The following VPS13B variants were observed in gnomAD, a reference collection of about 807,000 sequenced individuals.
The protein encoded by VPS13B is intermembrane lipid transfer protein VPS13B.
VPS13B carries 285 observed loss-of-function variants against 426.4 expected under a neutral mutation model. That is an observed-to-expected ratio of 0.67 (90% CI 0.61 to 0.74). The LOEUF (loss-of-function observed/expected upper bound fraction) is 0.74. Ranked by LOEUF, VPS13B falls within the 30% of genes least tolerant of loss-of-function variation. The probability of loss-of-function intolerance (pLI) is 0.00; values close to 1 mark genes in which losing one functional copy is unlikely to be tolerated. For synonymous variants in VPS13B, 1,676 were observed against 1,676.4 expected (o/e 1.00, Z 0.01); for missense variants, 4,537 against 4,782.6 (o/e 0.95, Z 1.51).
At chr8:99,165,633 A>G (rs1811959583) in intron 15 of VPS13B, among the ~76,000 whole-genome samples, 1 of 152,218 alleles carries the variant, frequency 6.6e-6, no homozygotes, top group South Asian at 2.1e-4. Context: ...CCTCAAGAAA[A>G]TCCCAGGGGA....
At chr8:99,482,119 C>G (rs571933155) in intron 25 of VPS13B, among the ~76,000 whole-genome samples, 1 of 152,126 alleles carries the variant, frequency 6.6e-6, no homozygotes, top group Admixed American at 6.6e-5. Flanking sequence ...ACTCATGCTT[C>G]CCCTTTCCCT....
At chr8:99,860,464 T>C (rs934836004) in intron 57 of VPS13B, among the ~76,000 whole-genome samples, 1 of 152,274 alleles carries the variant, frequency 6.6e-6, no homozygotes, top group Non-Finnish European at 1.5e-5. Flanking sequence ...GTTGTTTTTA[T>C]GTTAAAATAA....
chr8:99,384,159 T>G, intron 19 of VPS13B, 49 bp from the exon 20 acceptor site: 1 of 1,449,112 alleles, frequency 6.9e-7, no homozygotes, highest in South Asian at 1.1e-5. Context: ...AAATAGCTTA[T>G]TGTTTTTTAT....
intron 35 of VPS13B, among the ~76,000 whole-genome samples, chr8:99,669,626 AAATGCATGGCC>A: frequency 6.6e-6 from 1 of 152,250 alleles, no homozygotes; most frequent in African/African-American, 2.4e-5. Flanking sequence ...TCTATATTTG[AAATGCATGGCC>A]ACTGGTCTTT....
chr8:99,274,206 T>G lies in VPS13B; in HGVS notation c.2524T>G (p.Ser842Ala). 1 of 1,614,096 alleles carries G rather than the reference T, an allele frequency of 6.2e-7. No individual in the cohort carries two copies. The highest frequency in any genetic ancestry group is 8.5e-7 in the Non-Finnish European group (1 of 1,180,002). The change falls in exon 18 of 62, where the codon TCT (serine) becomes GCT (alanine). Residue 842 changes from serine to alanine, a missense_variant. Around this residue, in one of 2 missense-constraint regions of VPS13B, gnomAD observed 4,311 missense variants for 4,474.3 expected, o/e 0.96. Transcript: ENST00000357162. ...CAGTTTTCTTTTATTAGGTGTGAAA[T>G]CTAAGAATCCCCTGCCAACTCTTGA... ...NEIFLSIGVK[S>A]KNPLPTLEGS...
chr8:99,153,228 A>T (rs1811170083), intron 14 of VPS13B, among the ~76,000 whole-genome samples: 1 of 152,158 alleles, frequency 6.6e-6, no homozygotes, highest in Non-Finnish European at 1.5e-5. Context: ...GACAATATAT[A>T]GTTGGGTCTT....
At chr8:99,158,662 C>G (rs887726520) in intron 15 of VPS13B, among the ~76,000 whole-genome samples, 4 of 152,206 alleles carry the variant, frequency 2.6e-5, no homozygotes, top group African/African-American at 9.6e-5. Flanking sequence ...AATGGAACAA[C>G]AAAGCCTCAA....
intron 2 of VPS13B, among the ~76,000 whole-genome samples, chr8:99,023,281 T>C (rs1395721311): frequency 6.6e-6 from 1 of 151,852 alleles, no homozygotes; most frequent in African/African-American, 2.4e-5. Flanking sequence ...TAGTAACCAC[T>C]GTTATACTCT....
chr8:99,499,046 G>C (rs762441074), intron 25 of VPS13B, among the ~76,000 whole-genome samples: 28 of 152,090 alleles, frequency 1.8e-4, no homozygotes, highest in Non-Finnish European at 3.8e-4. Flanking sequence ...TAAAGTGTTT[G>C]CTCTTCCAAA....
intron 21 of VPS13B, among the ~76,000 whole-genome samples, chr8:99,413,008 G>A (rs1196451254): frequency 6.6e-6 from 1 of 152,102 alleles, no homozygotes; most frequent in East Asian, 1.9e-4. Flanking sequence ...AGGGATATTG[G>A]CCTGAAATTT....
chr8:99,017,795 C>T (rs1240680235), intron 2 of VPS13B, among the ~76,000 whole-genome samples: 1 of 152,090 alleles, frequency 6.6e-6, no homozygotes, highest in Admixed American at 6.5e-5. Context: ...CCCAGCCTAT[C>T]ATATACATTT....
chr8:99,217,540 A>T (rs911739169), intron 17 of VPS13B, among the ~76,000 whole-genome samples: 1 of 152,220 alleles, frequency 6.6e-6, no homozygotes, highest in Non-Finnish European at 1.5e-5. Flanking sequence ...AAGAACACTG[A>T]GAAGGTGTAG....
intron 19 of VPS13B, among the ~76,000 whole-genome samples, chr8:99,315,426 G>C (rs1441675617): frequency 6.7e-6 from 1 of 148,940 alleles, no homozygotes; most frequent in African/African-American, 2.5e-5. Context: ...GTCTATTATT[G>C]ACTCTTTCAA....
chr8:99,807,478 A>G lies in VPS13B; in HGVS notation c.7942-1897A>G, dbSNP rs77045031. ...TCTGTCCAAAGAAAACAACTTTCTT[A>G]TTTCTTTTAGTTTTGTGTGTACCCT... is the stretch of plus-strand genomic sequence containing the variant. On this transcript the variant is annotated intron_variant, in intron 43 of 61. Transcript: ENST00000357162. Among the ~76,000 whole-genome samples the G allele has an allele frequency of 1.7e-3, 251 of 150,556 alleles. 2 individuals carry two copies. Among genetic ancestry groups the G allele is most frequent in the South Asian group, 4.8e-3 (23 of 4,804 alleles).
At chr8:99,863,229 T>G (rs1209051479) in intron 58 of VPS13B, among the ~76,000 whole-genome samples, 4 of 152,160 alleles carry the variant, frequency 2.6e-5, no homozygotes, top group Non-Finnish European at 4.4e-5. Context: ...TATCATAGTA[T>G]GGTAGCAAAT....
At chr8:99,019,850 T>C (rs1319089627) in intron 2 of VPS13B, among the ~76,000 whole-genome samples, 1 of 152,268 alleles carries the variant, frequency 6.6e-6, no homozygotes, top group Non-Finnish European at 1.5e-5. Context: ...TAATCTATTA[T>C]ATGTACATGC....
intron 17 of VPS13B, among the ~76,000 whole-genome samples, chr8:99,210,567 G>A (rs1588143636): frequency 1.3e-5 from 2 of 152,080 alleles, no homozygotes; most frequent in African/African-American, 2.4e-5. Context: ...ATGTCTGGAA[G>A]TTGAACAATA....
chr8:99,663,881 G>T (rs1240489392), intron 35 of VPS13B, among the ~76,000 whole-genome samples: 1 of 152,058 alleles, frequency 6.6e-6, no homozygotes, highest in Non-Finnish European at 1.5e-5. Context: ...AAAGTTGATG[G>T]TAAATTAGAT....
intron 17 of VPS13B, among the ~76,000 whole-genome samples, chr8:99,210,737 C>G (rs1316954448): frequency 6.6e-6 from 1 of 152,094 alleles, no homozygotes; most frequent in African/African-American, 2.4e-5. Context: ...TCCCAAGTAG[C>G]TGGGACCACA....
Sources: gnomAD v4.1 joint callset for allele counts (sites outside exome capture counted in the v4.1 genomes callset) on GRCh38, gnomAD v4.1.1 for gene constraint, gnomAD v4.1.1 regional missense constraint, MANE v1.5 for transcripts, NCBI Gene and HGNC (gene_info 2026-07-23, HGNC 2026-07-21) for gene names.